SOX8: variants seen among roughly 807,000 people sequenced by gnomAD.
SOX8 encodes SRY-box transcription factor 8.
In SOX8, 9 loss-of-function variants were observed where a neutral mutation model predicts 22.9. The observed-to-expected ratio is 0.39, with a 90% CI of 0.24 to 0.69. The LOEUF (loss-of-function observed/expected upper bound fraction) is 0.69. Ranked by LOEUF, SOX8 falls within the 30% of genes least tolerant of loss-of-function variation. The pLI is 0.43. For synonymous variants in SOX8, 416 were observed against 330.6 expected (o/e 1.26, Z -2.80); for missense variants, 734 against 699.4 (o/e 1.05, Z -0.56).
rs1485113743 is a variant in SOX8, at chr16:982,556, C to G, written c.422+212C>G. 4 of 469,122 alleles carry G rather than the reference C, an allele frequency of 8.5e-6. No individual in the cohort carries two copies. The East Asian group carries it at 1.1e-4, about 13-fold the overall frequency. The allele number at this position is 469,122 out of a possible 1,614,324, so 29.1% of individuals were successfully genotyped here. ...CGGCGCCAGCTATGGGAGTCGGGAT[C>G]CGCGGAGGGCAGCGCCTGGGGTGTG... On this transcript the variant is annotated intron_variant, in intron 1 of 2. Transcript: ENST00000293894.
Position 982,292 on chromosome 16 carries a change from T to A in SOX8, c.370T>A (p.Tyr124Asn). The A allele has an allele frequency of 6.6e-7, 1 of 1,504,878 alleles. No homozygotes were observed. Among genetic ancestry groups the A allele is most frequent in the African/African-American group, 1.4e-5 (1 of 69,330 alleles). The allele number at this position is 1,504,878 out of a possible 1,614,324, so 93.2% of individuals were successfully genotyped here. The change falls in exon 1 of 3, where the codon TAC becomes AAC. Residue 124 changes from tyrosine to asparagine, a missense_variant. By Grantham distance (143) the Tyr-to-Asn change is moderately radical (BLOSUM62 -2). Transcript: ENST00000293894. ...QAARRKLADQ[Y>N]PHLHNAELSK... ...GGCGCGCCGCAAGCTGGCCGACCAG[T>A]ACCCGCACCTGCACAACGCCGAGCT... is the stretch of plus-strand genomic sequence containing the variant.
At chr16:982,370 G>T in intron 1 of SOX8, 26 bp downstream of exon 1, 3 of 1,325,074 alleles carry the variant, frequency 2.3e-6, no homozygotes, top group Non-Finnish European at 1.9e-6. Flanking sequence ...CCGGGGGCGG[G>T]GTTCGGGACC....
At chr16:983,461 A>G (rs533619681) in intron 1 of SOX8, 147 of 349,162 alleles carry the variant, frequency 4.2e-4, no homozygotes, top group African/African-American at 2.9e-3. Context: ...GAATAGGGGG[A>G]AATAGAAGGA....
chr16:982,457 G>A (rs967581209), intron 1 of SOX8, 113 bp downstream of exon 1: 41 of 1,132,652 alleles, frequency 3.6e-5, no homozygotes, highest in Non-Finnish European at 4.3e-5. Context: ...CCACACGCAG[G>A]CTCCGGGCTC....
chr16:983,863 C>G lies in SOX8; in HGVS notation c.558C>G (p.Ser186=), dbSNP rs778400341. The stretch of plus-strand genomic sequence containing the variant: ...GCGCCAAAGCCGGCCACAGCGACTC[C>G]GACTCGGGCGCGGAGCTGGGACCCC... The part of the protein sequence containing the change: ...RKSAKAGHSD[S]DSGAELGPHP... Residue 186 remains serine (S), a synonymous_variant, in exon 2 of 3, where the codon TCC becomes TCG. Transcript: ENST00000293894. 2.5e-6 allele frequency: 4 copies of G among 1,612,160 alleles called. No individual in the cohort carries two copies. The South Asian group carries it at 4.4e-5, about 18-fold the overall frequency.
rs748208734 is a variant in SOX8, at chr16:982,696, G to T, written c.422+352G>T. 1.1e-3 allele frequency: 265 copies of T among 232,722 alleles called. 1 individual carries two copies. Among genetic ancestry groups the T allele is most frequent in the Middle Eastern group, 3.7e-3 (3 of 800 alleles). The allele number at this position is 232,722 out of a possible 1,614,324, so 14.4% of individuals were successfully genotyped here. On this transcript the variant is annotated intron_variant, in intron 1 of 2. Coordinates refer to ENST00000293894, the MANE Select transcript of SOX8 (RefSeq NM_014587.5). Reference sequence around the variant, plus strand: ...AGCCGTTGCGAGTGGCCCCAGCCCCGGGAGGCACGCCCGGCACGACAGCAA... The same window carrying T: ...AGCCGTTGCGAGTGGCCCCAGCCCCTGGAGGCACGCCCGGCACGACAGCAA...
At chr16:984,054 G>T (rs981801120) in intron 2 of SOX8, 94 bp downstream of exon 2, 53 of 1,115,216 alleles carry the variant, frequency 4.8e-5, no homozygotes, top group Middle Eastern at 2.1e-4. Context: ...GTGGAGGGGG[G>T]CAGGCGCCCT....
Position 982,075 on chromosome 16 carries a change from C to T in SOX8, c.153C>T (p.Gly51=). The T allele has an allele frequency of 1.5e-6, 2 of 1,296,772 alleles. No individual in the cohort carries two copies. Among genetic ancestry groups the T allele is most frequent in the Non-Finnish European group, 1.9e-6 (2 of 1,031,932 alleles). 80.3% of individuals were successfully genotyped at this position (1,296,772 alleles called of 1,614,324 possible). The change falls in exon 1 of 3, where the codon GGC becomes GGT. Residue 51 remains glycine, a synonymous_variant. Coordinates refer to ENST00000293894, the MANE Select transcript of SOX8 (RefSeq NM_014587.5). The part of the protein sequence containing the change: ...GLGRAGVAVG[G]ARGDPAEAAD... ...GCCGCGCGGGGGTCGCGGTGGGGGG[C>T]GCCCGGGGCGACCCGGCGGAGGCGG...
rs2073444957 is a variant in SOX8 at position 985,055 on chromosome 16, A to G, written c.1010A>G (p.His337Arg). The change falls in exon 3 of 3, where the codon CAC becomes CGC. Residue 337 changes from histidine to arginine, a missense_variant. Around this residue, in one of 3 missense-constraint regions of SOX8, gnomAD observed 588 missense variants for 568.2 expected, o/e 1.03. Coordinates refer to ENST00000293894, the MANE Select transcript of SOX8 (RefSeq NM_014587.5). The part of the protein sequence containing the change: ...SPTETGPPRP[H>R]IKTEQPSPGH... ...ACCGAGACGGGTCCCCCACGGCCGCACATCAAGACGGAGCAGCCGAGCCCC... is the reference window on the plus strand; with the variant it reads ...ACCGAGACGGGTCCCCCACGGCCGCGCATCAAGACGGAGCAGCCGAGCCCC... 6.3e-7 allele frequency: 1 copy of G among 1,576,164 alleles called. No individual in the cohort carries two copies. The highest frequency in any genetic ancestry group is 8.5e-7 in the Non-Finnish European group (1 of 1,169,966).
At position 985,198 on chromosome 16, in the gene SOX8, G is replaced by A. The variant is rs763504594; in HGVS notation, c.1153G>A (p.Asp385Asn). Residue 385 changes from aspartate to asparagine, a missense_variant, in exon 3 of 3, where the codon GAC becomes AAC. Coordinates refer to ENST00000293894, the MANE Select transcript of SOX8 (RefSeq NM_014587.5). ...PFAGSQGDYG[D>N]LQASSYYGAY... ...CGCCGGCTCACAGGGCGACTATGGC[G>A]ACCTGCAGGCCTCCAGCTACTATGG... 33 of 1,611,544 alleles carry A rather than the reference G, an allele frequency of 2.0e-5. No individual in the cohort carries two copies. The highest frequency in any genetic ancestry group is 2.5e-5 in the Non-Finnish European group (30 of 1,179,454).
chr16:984,655 C>A, intron 2 of SOX8, 46 bp from the exon 3 acceptor site: 1 of 1,318,904 alleles, frequency 7.6e-7, no homozygotes, highest in Non-Finnish European at 1.0e-6. Context: ...CCCACCCGCC[C>A]CACAGAAGGG....
At chr16:983,063 G>A (rs116991096) in intron 1 of SOX8, 8,752 of 152,516 alleles carry the variant, frequency 0.057, 339 homozygotes, top group Non-Finnish European at 0.087. Context: ...TTGGTTTGGG[G>A]CTCTGGTTCC....
chr16:983,644 G>A (rs2073428991), intron 1 of SOX8, 84 bp from the exon 2 acceptor site: 10 of 1,321,936 alleles, frequency 7.6e-6, no homozygotes, highest in Non-Finnish European at 3.1e-6. Context: ...CCCGGCCTCT[G>A]CTGCCGGTTC....
intron 1 of SOX8, chr16:982,586 C>T (rs369899042): frequency 1.7e-4 from 69 of 401,110 alleles, no homozygotes; most frequent in East Asian, 1.4e-3. Flanking sequence ...GGTGTGCACC[C>T]TCGTGGCGGG....
rs934761381 is a variant in SOX8 at position 985,778 on chromosome 16, C to T, written c.*392C>T. On this transcript the variant is annotated 3_prime_UTR_variant, in exon 3 of 3. Transcript: ENST00000293894. ...AGGGCGCTGTGAGGTCCAGGCCGGT[C>T]TTGGCGCCGAGAGCCCCTGCACTCA... 5.3e-6 allele frequency: 1 copy of T among 188,360 alleles called. No individual in the cohort carries two copies. Among genetic ancestry groups the T allele is most frequent in the African/African-American group, 2.4e-5 (1 of 42,548 alleles). The allele number at this position is 188,360 out of a possible 1,614,324, so 11.7% of individuals were successfully genotyped here. A position where few individuals can be genotyped will look rare whatever the true frequency, so the allele number is the denominator to read the frequency against.
Position 982,267 on chromosome 16 carries a change from G to A in SOX8, c.345G>A (p.Ala115=). ...ACGCATTCATGGTGTGGGCGCAGGC[G>A]GCGCGCCGCAAGCTGGCCGACCAGT... ...PMNAFMVWAQ[A]ARRKLADQYP... Residue 115 remains alanine, a synonymous_variant, in exon 1 of 3, where the codon GCG becomes GCA. Coordinates refer to ENST00000293894, the MANE Select transcript of SOX8 (RefSeq NM_014587.5). 2 of 1,525,730 alleles carry A rather than the reference G, an allele frequency of 1.3e-6. No individual in the cohort carries two copies. The highest frequency in any genetic ancestry group is 1.4e-5 in the African/African-American group (1 of 69,724). The allele number at this position is 1,525,730 out of a possible 1,614,324, so 94.5% of individuals were successfully genotyped here.
At position 985,257 on chromosome 16, in the gene SOX8, G is replaced by C; in HGVS notation, c.1212G>C (p.Gln404His). ...AYPGYAPGLYQYPCFHSPRRP... is the reference protein window; with the variant it reads ...AYPGYAPGLYHYPCFHSPRRP... The stretch of plus-strand genomic sequence containing the variant: ...CTGGCTACGCACCCGGCCTCTACCA[G>C]TACCCCTGCTTCCACTCGCCGCGCC... The change falls in exon 3 of 3, where the codon CAG becomes CAC. Residue 404 changes from glutamine (Q) to histidine (H), a missense_variant. Transcript: ENST00000293894. 2 of 1,612,032 alleles carry C rather than the reference G, an allele frequency of 1.2e-6. No individual in the cohort carries two copies. Among genetic ancestry groups the C allele is most frequent in the South Asian group, 2.2e-5 (2 of 91,070 alleles).
At chr16:984,097 A>G (rs1325861344) in intron 2 of SOX8, 137 bp downstream of exon 2, 1 of 792,662 alleles carries the variant, frequency 1.3e-6, no homozygotes, top group Non-Finnish European at 1.9e-6. Context: ...GGTTCCCTGA[A>G]AAAGCTCCCA....
In SOX8 at chr16:984,927, C is replaced by T. The variant is rs763201387; in HGVS notation, c.882C>T (p.Pro294=). Residue 294 remains proline, a synonymous_variant, in exon 3 of 3, where the codon CCC becomes CCT. Transcript: ENST00000293894. ...EFDQYLPLGG[P]APPEPGQAYG... The stretch of plus-strand genomic sequence containing the variant: ...ACCAGTACCTGCCCCTGGGCGGCCC[C>T]GCCCCACCCGAGCCGGGCCAGGCCT... 46 of 1,603,098 alleles carry T rather than the reference C, an allele frequency of 2.9e-5. No homozygotes were observed. The highest frequency in any genetic ancestry group is 2.7e-5 in the African/African-American group (2 of 74,312).
Sources: allele counts gnomAD v4.1 joint callset, GRCh38; gene constraint gnomAD v4.1.1; regional missense constraint gnomAD v4.1.1; transcripts MANE v1.5; gene names NCBI Gene and HGNC (gene_info 2026-07-23, HGNC 2026-07-21).